CLCN3: variants seen among roughly 807,000 people sequenced by gnomAD.
CLCN3 encodes H(+)/Cl(-) exchange transporter 3.
In CLCN3, 16 loss-of-function variants were observed where a neutral mutation model predicts 83.4. That is an observed-to-expected ratio of 0.19 (90% CI 0.13 to 0.29). The LOEUF (loss-of-function observed/expected upper bound fraction) is 0.29. CLCN3 is among the 10% of genes least tolerant of loss of function. The probability of loss-of-function intolerance (pLI) is 1.00; values close to 1 mark genes in which losing one functional copy is unlikely to be tolerated. For missense variants in CLCN3, 544 were observed against 1,006.0 expected, an observed-to-expected ratio of 0.54 and a Z score of 6.21; for synonymous variants, 322 against 346.2, an observed-to-expected ratio of 0.93 and a Z score of 0.78.
chr4:169,707,283 A>G lies in CLCN3; in HGVS notation c.2149+17A>G. ...TTGCAATAGGTACCCTTTCAAAAAT[A>G]TATATATGTATATATGAGATGGATT... On this transcript the variant is annotated intron_variant, in intron 11 of 12. Transcript: ENST00000513761. The G allele has an allele frequency of 6.5e-7, 1 of 1,533,014 alleles. No homozygotes were observed. Among genetic ancestry groups the G allele is most frequent in the Non-Finnish European group, 8.8e-7 (1 of 1,133,626 alleles). 95.0% of individuals were successfully genotyped at this position (1,533,014 alleles called of 1,614,324 possible).
intron 2 of CLCN3, among the ~76,000 whole-genome samples, chr4:169,652,805 A>G (rs1730766250): frequency 2.0e-5 from 3 of 152,192 alleles, no homozygotes; most frequent in African/African-American, 7.2e-5. Context: ...TGTGCTAGCT[A>G]TGTATGGATT....
At chr4:169,697,149 A>G (rs878941973) in intron 8 of CLCN3, 40 bp from the exon 9 acceptor site, 2 of 1,377,194 alleles carry the variant, frequency 1.5e-6, no homozygotes, top group South Asian at 1.5e-5. Context: ...ATCTTATAAA[A>G]TTATAGCATT....
chr4:169,649,241 T>C (rs893017411), intron 2 of CLCN3, among the ~76,000 whole-genome samples: 3 of 152,132 alleles, frequency 2.0e-5, no homozygotes, highest in Non-Finnish European at 2.9e-5. Flanking sequence ...GTGCAGAGAA[T>C]GATAACTAGA....
Position 169,697,178 on chromosome 4 carries a change from C to CT in CLCN3, c.1018-3dup, listed in dbSNP as rs755506165. 53 of 1,528,830 alleles carry CT rather than the reference C, an allele frequency of 3.5e-5. No individual in the cohort carries two copies. The highest frequency in any genetic ancestry group is 6.8e-5 in the Admixed American group (3 of 44,438). The allele number at this position is 1,528,830 out of a possible 1,614,324, so 94.7% of individuals were successfully genotyped here. A position where few individuals can be genotyped will look rare whatever the true frequency, so the allele number is the denominator to read the frequency against. On this transcript the variant is annotated splice_polypyrimidine_tract_variant and intron_variant, in intron 8 of 12. Transcript: ENST00000513761. ...TAGCATTAATTTTTCTTTTCCTTTT[C>CT]TTTTTTTTAGGTTAGCTATTATTTT...
At chr4:169,660,748 AGTC>A (rs1731028820) in intron 2 of CLCN3, among the ~76,000 whole-genome samples, 1 of 152,208 alleles carries the variant, frequency 6.6e-6, no homozygotes, top group Non-Finnish European at 1.5e-5. Flanking sequence ...AGCCAACTAA[AGTC>A]GTGTTGGTTG....
chr4:169,711,928 G>T (rs965902304), intron 11 of CLCN3, among the ~76,000 whole-genome samples: 2 of 151,644 alleles, frequency 1.3e-5, no homozygotes, highest in Admixed American at 1.3e-4. Flanking sequence ...GTGGTGGTAT[G>T]ATCATGGCTG....
chr4:169,674,734 A>C (rs895505653), intron 2 of CLCN3, among the ~76,000 whole-genome samples: 1 of 152,058 alleles, frequency 6.6e-6, no homozygotes, highest in African/African-American at 2.4e-5. Flanking sequence ...TCCTTTTAGA[A>C]GTTTTACACC....
intron 1 of CLCN3, among the ~76,000 whole-genome samples, chr4:169,633,559 A>G (rs1560827775): frequency 6.6e-6 from 1 of 152,192 alleles, no homozygotes. Flanking sequence ...TCCTTCTGTT[A>G]TATGTCCTTT....
chr4:169,705,206 CTT>C (rs903896714), intron 10 of CLCN3, among the ~76,000 whole-genome samples: 105 of 152,200 alleles, frequency 6.9e-4, no homozygotes, highest in African/African-American at 2.4e-3. Context: ...GAAAAGGTGA[CTT>C]TGTTGAAGAT....
intron 5 of CLCN3, among the ~76,000 whole-genome samples, chr4:169,690,245 A>G (rs1234047702): frequency 7.2e-6 from 1 of 138,154 alleles, no homozygotes; most frequent in Admixed American, 8.3e-5. Context: ...TCTGGGGTTT[A>G]AGCGATTCTT....
chr4:169,637,550 C>T (rs143098499), intron 2 of CLCN3, among the ~76,000 whole-genome samples: 35 of 151,862 alleles, frequency 2.3e-4, no homozygotes, highest in Non-Finnish European at 4.6e-4. Flanking sequence ...CTGCTAGGCA[C>T]CAGAGCAAAA....
chr4:169,655,648 C>T (rs1024550377), intron 2 of CLCN3, among the ~76,000 whole-genome samples: 4 of 152,158 alleles, frequency 2.6e-5, no homozygotes, highest in African/African-American at 9.7e-5. Flanking sequence ...GCATGTGCCA[C>T]TATGTCCAGC....
intron 2 of CLCN3, among the ~76,000 whole-genome samples, chr4:169,656,611 A>G (rs1357144416): frequency 2.0e-5 from 3 of 152,200 alleles, no homozygotes; most frequent in Non-Finnish European, 4.4e-5. Flanking sequence ...ACAGTTTTTA[A>G]CCTGCTTCTA....
intron 2 of CLCN3, among the ~76,000 whole-genome samples, chr4:169,672,168 C>T (rs1414498642): frequency 1.8e-4 from 28 of 151,700 alleles, no homozygotes; most frequent in African/African-American, 6.1e-4. Flanking sequence ...GCCGAGATCG[C>T]GCCACTGCAC....
At chr4:169,711,449 C>T (rs1268869681) in intron 11 of CLCN3, among the ~76,000 whole-genome samples, 8 of 152,126 alleles carry the variant, frequency 5.3e-5, no homozygotes, top group Non-Finnish European at 1.2e-4. Flanking sequence ...CTGCAACCTC[C>T]GCCTCCTGGG....
chr4:169,679,060 G>T (rs1438717421), intron 2 of CLCN3, among the ~76,000 whole-genome samples: 1 of 151,722 alleles, frequency 6.6e-6, no homozygotes, highest in African/African-American at 2.4e-5. Context: ...TCCCAGACTG[G>T]GTGGCCGGGC....
intron 9 of CLCN3, among the ~76,000 whole-genome samples, 195 bp downstream of exon 9, chr4:169,697,929 C>A (rs1460904835): frequency 2.0e-5 from 3 of 152,068 alleles, no homozygotes; most frequent in Non-Finnish European, 2.9e-5. Context: ...ACAAATTACC[C>A]CCCAAAACTT....
chr4:169,699,538 C>G (rs1732694027), intron 9 of CLCN3, among the ~76,000 whole-genome samples: 1 of 152,088 alleles, frequency 6.6e-6, no homozygotes, highest in African/African-American at 2.4e-5. Context: ...GAAATAAGGT[C>G]TCTTTTCTCT....
At chr4:169,673,805 C>T (rs549737170) in intron 2 of CLCN3, among the ~76,000 whole-genome samples, 2 of 152,252 alleles carry the variant, frequency 1.3e-5, no homozygotes, top group East Asian at 1.9e-4. Flanking sequence ...TCTGTATTCT[C>T]CAAGTACGAT....
Sources: gnomAD v4.1 joint callset for allele counts (sites outside exome capture counted in the v4.1 genomes callset) on GRCh38, gnomAD v4.1.1 for gene constraint, MANE v1.5 for transcripts, NCBI Gene and HGNC (gene_info 2026-07-23, HGNC 2026-07-21) for gene names.